Variants in FRAS1 observed in about 807,000 individuals in gnomAD.
The protein encoded by FRAS1 is Fraser extracellular matrix complex subunit 1.
A neutral mutation model predicts 435.2 loss-of-function variants in FRAS1; 290 were observed. That is an observed-to-expected ratio of 0.67 (90% CI 0.61 to 0.73). The LOEUF is 0.73. Among genes scored for constraint, FRAS1 ranks in the 30% least tolerant of loss-of-function variants. The pLI, the probability that FRAS1 is intolerant of heterozygous loss-of-function variation, is 0.00. For synonymous variants in FRAS1, 1,800 were observed against 1,851.0 expected, an observed-to-expected ratio of 0.97 and a Z score of 0.71; for missense variants, 4,860 against 5,001.5, an observed-to-expected ratio of 0.97 and a Z score of 0.85.
chr4:78,120,236 A>G (rs1225164013), intron 2 of FRAS1, among the ~76,000 whole-genome samples: 3 of 152,228 alleles, frequency 2.0e-5, no homozygotes, highest in Non-Finnish European at 4.4e-5. Flanking sequence ...CAAAACAACA[A>G]CAACAAACCT....
Position 78,448,095 on chromosome 4 carries a change from A to G in FRAS1, c.6053A>G (p.Asn2018Ser). ...WRQTASEPLENGRVLVQGSTF... is the reference protein window; with the variant it reads ...WRQTASEPLESGRVLVQGSTF... ...CAAACTGCTTCTGAGCCTCTGGAGA[A>G]TGGGAGAGTTTTAGTCCAGGGCTCA... Residue 2018 changes from asparagine (N) to serine (S), a missense_variant, in exon 44 of 74, where the codon AAT becomes AGT. Transcript: ENST00000512123. 1 of 1,613,160 alleles carries G rather than the reference A, an allele frequency of 6.2e-7. No homozygotes were observed. Among genetic ancestry groups the G allele is most frequent in the Non-Finnish European group, 8.5e-7 (1 of 1,179,592 alleles).
At chr4:78,468,114 G>C (rs980555871) in intron 50 of FRAS1, among the ~76,000 whole-genome samples, 2 of 152,106 alleles carry the variant, frequency 1.3e-5, no homozygotes, top group African/African-American at 4.8e-5. Context: ...TTGGTTTCCT[G>C]TGCTTCTGGG....
Position 78,494,765 on chromosome 4 carries a change from A to T in FRAS1, c.8959-2040A>T, listed in dbSNP as rs1399652817. Among the ~76,000 whole-genome samples, 3 of 152,302 alleles carry T rather than the reference A, an allele frequency of 2.0e-5. No individual in the cohort carries two copies. In the East Asian group the frequency reaches 5.8e-4, roughly 29 times the overall value. On this transcript the variant is annotated intron_variant, in intron 59 of 73. Coordinates refer to ENST00000512123, the MANE Select transcript of FRAS1 (RefSeq NM_025074.7). Reference sequence around the variant, plus strand: ...AAGAACTTCAGTGATCACACCCACCAGCTTCCTGACTCCCTGTCATCACAA... The same window carrying T: ...AAGAACTTCAGTGATCACACCCACCTGCTTCCTGACTCCCTGTCATCACAA...
chr4:78,420,900 A>G (rs1053621409), intron 33 of FRAS1, among the ~76,000 whole-genome samples: 2 of 51,360 alleles, frequency 3.9e-5, no homozygotes, highest in African/African-American at 1.2e-4. Flanking sequence ...ATATATATAT[A>G]TATATATATA....
chr4:78,237,197 G>A (rs1404439603), intron 2 of FRAS1, among the ~76,000 whole-genome samples: 1 of 152,146 alleles, frequency 6.6e-6, no homozygotes, highest in African/African-American at 2.4e-5. Flanking sequence ...ACAGCAAAGT[G>A]AAACTTCAAG....
At chr4:78,134,781 A>G (rs555624556) in intron 2 of FRAS1, among the ~76,000 whole-genome samples, 35 of 152,262 alleles carry the variant, frequency 2.3e-4, no homozygotes, top group African/African-American at 8.4e-4. Flanking sequence ...TTTAATTTTC[A>G]AAACAGCCTG....
At chr4:78,074,876 T>C (rs1203543031) in intron 2 of FRAS1, among the ~76,000 whole-genome samples, 7 of 152,196 alleles carry the variant, frequency 4.6e-5, no homozygotes, top group Admixed American at 3.9e-4. Context: ...TTGGAGGATA[T>C]AGCTTCAGTT....
chr4:78,067,216 G>T (rs963874223), intron 2 of FRAS1, among the ~76,000 whole-genome samples: 10 of 151,978 alleles, frequency 6.6e-5, no homozygotes, highest in African/African-American at 1.5e-4. Context: ...AATGAAATAG[G>T]CAGGCCATGT....
At chr4:78,502,176 G>T (rs1370350791) in intron 61 of FRAS1, among the ~76,000 whole-genome samples, 1 of 152,140 alleles carries the variant, frequency 6.6e-6, no homozygotes, top group African/African-American at 2.4e-5. Flanking sequence ...TGTTCTTTTT[G>T]CTTAGGACTG....
intron 2 of FRAS1, among the ~76,000 whole-genome samples, chr4:78,081,179 T>C (rs1203977315): frequency 6.6e-6 from 1 of 152,058 alleles, no homozygotes. Flanking sequence ...AACAACAGGT[T>C]CCCTGAGAGA....
intron 20 of FRAS1, among the ~76,000 whole-genome samples, chr4:78,358,094 G>A (rs986061701): frequency 6.6e-5 from 10 of 151,952 alleles, no homozygotes; most frequent in Admixed American, 1.3e-4. Flanking sequence ...TTATTTGATT[G>A]TGCATATTAA....
chr4:78,430,072 TA>T (rs1256239135), intron 36 of FRAS1, among the ~76,000 whole-genome samples: 1 of 152,200 alleles, frequency 6.6e-6, no homozygotes. Flanking sequence ...AATTCAGAAC[TA>T]CCTTACATGA....
intron 2 of FRAS1, among the ~76,000 whole-genome samples, chr4:78,075,213 A>G (rs1740577930): frequency 6.6e-6 from 1 of 152,150 alleles, no homozygotes; most frequent in South Asian, 2.1e-4. Flanking sequence ...GAAGATTTTG[A>G]AGCTTAGTCT....
intron 2 of FRAS1, among the ~76,000 whole-genome samples, chr4:78,155,235 T>C (rs1448115976): frequency 2.6e-5 from 4 of 152,220 alleles, no homozygotes; most frequent in South Asian, 2.1e-4. Flanking sequence ...TAAGATGATA[T>C]GTTATTGGTT....
intron 2 of FRAS1, among the ~76,000 whole-genome samples, chr4:78,175,857 T>A (rs117328374): frequency 0.012 from 1,775 of 152,228 alleles, 16 homozygotes; most frequent in Middle Eastern, 0.037. Context: ...ACGTGGTCCA[T>A]GCAGGCCAGC....
chr4:78,444,215 A>C (rs921616450), intron 41 of FRAS1: 3 of 451,230 alleles, frequency 6.6e-6, no homozygotes, highest in Non-Finnish European at 8.9e-6. Context: ...TAGAGTGATA[A>C]ATTTAAGAAA....
intron 2 of FRAS1, among the ~76,000 whole-genome samples, chr4:78,232,352 C>T (rs1724551637): frequency 6.6e-6 from 1 of 150,658 alleles, no homozygotes; most frequent in Non-Finnish European, 1.5e-5. Context: ...GTGGTGCGAT[C>T]TCGGCTCACT....
chr4:78,158,543 G>A (rs1720988440), intron 2 of FRAS1, among the ~76,000 whole-genome samples: 1 of 151,854 alleles, frequency 6.6e-6, no homozygotes, highest in South Asian at 2.1e-4. Context: ...ACTGATATAT[G>A]CTGAAAAAAA....
At chr4:78,213,331 T>G (rs1481123640) in intron 2 of FRAS1, among the ~76,000 whole-genome samples, 2 of 152,268 alleles carry the variant, frequency 1.3e-5, no homozygotes, top group Non-Finnish European at 2.9e-5. Context: ...CTCCTCCTTC[T>G]GTCGTTCCTT....
Sources: gnomAD v4.1 joint callset for allele counts (sites outside exome capture counted in the v4.1 genomes callset) on GRCh38, gnomAD v4.1.1 for gene constraint, MANE v1.5 for transcripts, NCBI Gene and HGNC (gene_info 2026-07-23, HGNC 2026-07-21) for gene names.